NALF1: variants seen among roughly 807,000 people sequenced by gnomAD.
The protein encoded by NALF1 is NALCN channel auxiliary factor 1.
Under a neutral mutation model 48.4 loss-of-function variants are expected in NALF1, and 3 were observed. The observed-to-expected ratio is 0.06, with a 90% CI of 0.03 to 0.16. The LOEUF is 0.16. NALF1 is among the 10% of genes least tolerant of loss of function. The pLI, the probability that NALF1 is intolerant of heterozygous loss-of-function variation, is 1.00. For missense variants in NALF1, 526 were observed against 571.5 expected (o/e 0.92, Z 0.81); for synonymous variants, 262 against 245.7 (o/e 1.07, Z -0.62).
chr13:107,733,376 C>G (rs963025126), intron 1 of NALF1, among the ~76,000 whole-genome samples: 2 of 152,154 alleles, frequency 1.3e-5, no homozygotes, highest in African/African-American at 4.8e-5. Context: ...TAAATTCACA[C>G]TGTAACAATT....
At chr13:107,763,206 T>C (rs2138563198) in intron 1 of NALF1, among the ~76,000 whole-genome samples, 1 of 151,582 alleles carries the variant, frequency 6.6e-6, no homozygotes, top group East Asian at 1.9e-4. Context: ...AAAATCAATA[T>C]CCCCGCAAGT....
chr13:107,466,867 C>T (rs1365131430), intron 1 of NALF1, among the ~76,000 whole-genome samples: 3 of 151,722 alleles, frequency 2.0e-5, no homozygotes, highest in Admixed American at 6.6e-5. Flanking sequence ...GGTGTTGTCT[C>T]GGTTTTCCTC....
intron 1 of NALF1, among the ~76,000 whole-genome samples, chr13:107,755,061 T>G (rs1386400763): frequency 5.9e-5 from 9 of 152,214 alleles, no homozygotes; most frequent in Non-Finnish European, 1.0e-4. Context: ...CTAAAATTGT[T>G]GATAAATTGA....
At chr13:107,477,500 C>G (rs1469835047) in intron 1 of NALF1, among the ~76,000 whole-genome samples, 14 of 151,964 alleles carry the variant, frequency 9.2e-5, no homozygotes, top group Admixed American at 9.2e-4. Flanking sequence ...CCTCAAAAAG[C>G]CCACAAATAT....
intron 1 of NALF1, among the ~76,000 whole-genome samples, chr13:107,520,021 A>G (rs1278025943): frequency 6.6e-6 from 1 of 152,164 alleles, no homozygotes; most frequent in Non-Finnish European, 1.5e-5. Flanking sequence ...TGCTGTAAGG[A>G]TTAATTTTTT....
intron 1 of NALF1, among the ~76,000 whole-genome samples, chr13:107,776,140 A>G (rs751527827): frequency 4.6e-5 from 7 of 152,200 alleles, no homozygotes; most frequent in Non-Finnish European, 1.0e-4. Context: ...CTAAATCTGG[A>G]GCATTTTTAA....
At chr13:107,740,116 C>T (rs1000794958) in intron 1 of NALF1, among the ~76,000 whole-genome samples, 1 of 152,186 alleles carries the variant, frequency 6.6e-6, no homozygotes, top group African/African-American at 2.4e-5. Flanking sequence ...AAATTGTCCA[C>T]AAAACCGGTC....
chr13:107,394,703 C>T (rs1883682371), intron 1 of NALF1, among the ~76,000 whole-genome samples: 1 of 152,036 alleles, frequency 6.6e-6, no homozygotes, highest in Non-Finnish European at 1.5e-5. Context: ...CATACAAATG[C>T]CTACACTAAG....
At chr13:107,601,140 T>C (rs1878913012) in intron 1 of NALF1, among the ~76,000 whole-genome samples, 1 of 152,080 alleles carries the variant, frequency 6.6e-6, no homozygotes, top group African/African-American at 2.4e-5. Context: ...TGCTGTAGTA[T>C]CCATTAGGCA....
At chr13:107,368,842 C>T (rs768089738) in intron 1 of NALF1, among the ~76,000 whole-genome samples, 29 of 152,306 alleles carry the variant, frequency 1.9e-4, no homozygotes, top group Non-Finnish European at 2.9e-4. Context: ...CCACTATTCA[C>T]GCCTCTGTTC....
Position 107,434,019 on chromosome 13 carries a change from C to T in NALF1, c.916-223264G>A, listed in dbSNP as rs1008673958. On this transcript the variant is annotated intron_variant, in intron 1 of 2. Coordinates refer to ENST00000375915, the MANE Select transcript of NALF1 (RefSeq NM_001080396.3). ...ATCAATTTTCCATTGAACTAGGAGG[C>T]TGTAATAGAAGATCAAAAAAATCAA... Among the ~76,000 whole-genome samples the T allele has an allele frequency of 5.3e-5, 8 of 152,210 alleles. No homozygotes were observed. In the East Asian group the frequency reaches 1.6e-3, roughly 29 times the overall value.
intron 1 of NALF1, among the ~76,000 whole-genome samples, chr13:107,780,221 TC>T (rs1231227118): frequency 6.6e-6 from 1 of 152,116 alleles, no homozygotes; most frequent in African/African-American, 2.4e-5. Flanking sequence ...ATATGTGTGA[TC>T]CTTTCACTAT....
chr13:107,522,035 AT>A (rs779575681), intron 1 of NALF1, among the ~76,000 whole-genome samples: 4 of 152,012 alleles, frequency 2.6e-5, no homozygotes, highest in Non-Finnish European at 5.9e-5. Context: ...AAGGGATACG[AT>A]TTTCCAGGTT....
chr13:107,471,403 GT>G (rs918285189), intron 1 of NALF1, among the ~76,000 whole-genome samples: 4 of 152,284 alleles, frequency 2.6e-5, no homozygotes, highest in Middle Eastern at 3.4e-3. Context: ...GAGGGATGGG[GT>G]TTGCAGTTGG....
chr13:107,687,474 A>G (rs545964022), intron 1 of NALF1, among the ~76,000 whole-genome samples: 30 of 139,554 alleles, frequency 2.1e-4, no homozygotes, highest in Middle Eastern at 3.6e-3. Flanking sequence ...GAAAAAAAAA[A>G]AAAGAAAGAA....
intron 1 of NALF1, among the ~76,000 whole-genome samples, chr13:107,292,669 GC>G (rs1472076358): frequency 2.0e-5 from 3 of 152,132 alleles, no homozygotes; most frequent in Non-Finnish European, 4.4e-5. Context: ...CAATGCCAAA[GC>G]CTTCTTCTAT....
intron 2 of NALF1, among the ~76,000 whole-genome samples, chr13:107,182,506 G>C (rs1336937924): frequency 1.3e-5 from 2 of 152,112 alleles, no homozygotes; most frequent in Non-Finnish European, 1.5e-5. Context: ...CCGGGCTCAA[G>C]TGATCTGCCC....
intron 1 of NALF1, among the ~76,000 whole-genome samples, chr13:107,609,379 G>T (rs1276607507): frequency 1.3e-5 from 2 of 152,330 alleles, no homozygotes; most frequent in East Asian, 3.9e-4. Context: ...AGTCCCGGGT[G>T]AGATCTCAAA....
At chr13:107,170,827 A>C in intron 2 of NALF1, 41 bp from the exon 3 acceptor site, 2 of 1,571,978 alleles carry the variant, frequency 1.3e-6, no homozygotes, top group Non-Finnish European at 1.7e-6. Context: ...GGAAGGAAAT[A>C]CATTTGCGAC....
Sources: gnomAD v4.1 joint callset for allele counts (sites outside exome capture counted in the v4.1 genomes callset) on GRCh38, gnomAD v4.1.1 for gene constraint, MANE v1.5 for transcripts, NCBI Gene and HGNC (gene_info 2026-07-23, HGNC 2026-07-21) for gene names.